ANO3: variants seen among roughly 807,000 people sequenced by gnomAD.
ANO3 encodes anoctamin-3.
ANO3 carries 99 observed loss-of-function variants against 144.8 expected under a neutral mutation model. That is an observed-to-expected ratio of 0.68 (90% CI 0.58 to 0.81). ANO3 has a LOEUF of 0.81. Among genes scored for constraint, ANO3 ranks in the 30% least tolerant of loss-of-function variants. ANO3 has a pLI of 0.00. For missense variants in ANO3, 905 were observed against 1,202.2 expected, an observed-to-expected ratio of 0.75 and a Z score of 3.66; for synonymous variants, 414 against 392.6, an observed-to-expected ratio of 1.05 and a Z score of -0.64.
chr11:26,330,115 C>A (rs1854999255), upstream of ANO3, among the ~76,000 whole-genome samples: 1 of 152,142 alleles, frequency 6.6e-6, no homozygotes, highest in Non-Finnish European at 1.5e-5. Flanking sequence ...GGGGTCATAA[C>A]TGACTAGTAA....
chr11:26,384,689 T>C (rs1007728039), intron 1 of ANO3, among the ~76,000 whole-genome samples: 11 of 152,202 alleles, frequency 7.2e-5, no homozygotes, highest in Admixed American at 1.3e-4. Context: ...AATGATATTG[T>C]AGGCCAAGCC....
At chr11:26,222,403 C>T (rs1472024460) in intron 1 of ANO3, among the ~76,000 whole-genome samples, 5 of 152,294 alleles carry the variant, frequency 3.3e-5, no homozygotes, top group South Asian at 4.1e-4. Context: ...TGCGTGCCTG[C>T]AGCTTTTCCA....
chr11:26,543,891 C>T (rs1849709208), intron 11 of ANO3, among the ~76,000 whole-genome samples: 1 of 151,998 alleles, frequency 6.6e-6, no homozygotes, highest in Non-Finnish European at 1.5e-5. Context: ...CAAGTCTTTG[C>T]TATTGTGAAT....
intron 26 of ANO3, among the ~76,000 whole-genome samples, chr11:26,658,108 AC>A (rs75520199): frequency 0.52 from 77,730 of 149,778 alleles, 20,922 homozygotes; most frequent in South Asian, 0.71. Context: ...TTCAGGACTT[AC>A]ACTTGTCTTT....
intron 6 of ANO3, among the ~76,000 whole-genome samples, chr11:26,525,126 C>G (rs1031869582): frequency 1.3e-5 from 2 of 152,092 alleles, no homozygotes; most frequent in African/African-American, 4.8e-5. Context: ...TGACTTCTCA[C>G]CTCAACTATC....
intron 1 of ANO3, among the ~76,000 whole-genome samples, chr11:26,286,711 C>A (rs1248926390): frequency 2.0e-5 from 3 of 152,082 alleles, no homozygotes; most frequent in Non-Finnish European, 4.4e-5. Context: ...ATTGGCAATG[C>A]GGGTGGGCTT....
At chr11:26,211,596 C>G (rs1008131550) in intron 1 of ANO3, among the ~76,000 whole-genome samples, 1 of 152,102 alleles carries the variant, frequency 6.6e-6, no homozygotes, top group Non-Finnish European at 1.5e-5. Flanking sequence ...AATAGGAATG[C>G]TTTTACAATG....
chr11:26,531,276 T>C lies in ANO3; in HGVS notation c.809T>C (p.Phe270Ser). 1 of 1,614,096 alleles carries C rather than the reference T, an allele frequency of 6.2e-7. No individual in the cohort carries two copies. Among genetic ancestry groups the C allele is most frequent in the Non-Finnish European group, 8.5e-7 (1 of 1,179,992 alleles). ...CCAATGGTTCTTGACAAGTCAGCTT[T>C]TCCAGACCTAGAGGAGTCAGACTGC... ...QNPMVLDKSAFPDLEESDCYT... is the reference protein window; with the variant it reads ...QNPMVLDKSASPDLEESDCYT... Residue 270 changes from phenylalanine to serine, a missense_variant, in exon 8 of 27, where the codon TTT (phenylalanine) becomes TCT (serine). Physicochemically the swap from Phe to Ser is radical, Grantham distance 155. Around this residue, in one of 4 missense-constraint regions of ANO3, gnomAD observed 71 missense variants for 57.9 expected, o/e 1.23. Transcript: ENST00000256737.
At chr11:26,243,377 T>C (rs1403025162) in intron 1 of ANO3, among the ~76,000 whole-genome samples, 3 of 152,062 alleles carry the variant, frequency 2.0e-5, no homozygotes, top group Non-Finnish European at 4.4e-5. Context: ...TATATGTTCT[T>C]TGCAAGAATA....
At chr11:26,233,534 T>TG (rs1386703158) in intron 1 of ANO3, among the ~76,000 whole-genome samples, 1 of 152,194 alleles carries the variant, frequency 6.6e-6, no homozygotes, top group Non-Finnish European at 1.5e-5. Flanking sequence ...GACAGTGTGG[T>TG]GGTTCCTCAA....
At chr11:26,426,935 A>G (rs1857937435) in intron 1 of ANO3, 1 of 152,268 alleles carries the variant, frequency 6.6e-6, no homozygotes, top group Non-Finnish European at 1.5e-5. Flanking sequence ...TTTAAATCAA[A>G]TCTTCTAACA....
At chr11:26,439,492 TATG>T (rs1220119115) in intron 1 of ANO3, among the ~76,000 whole-genome samples, 2 of 152,146 alleles carry the variant, frequency 1.3e-5, no homozygotes, top group African/African-American at 4.8e-5. Context: ...TGCGAATAGG[TATG>T]ATGTTTCTTT....
At chr11:26,518,818 T>C (rs993343586) in intron 6 of ANO3, among the ~76,000 whole-genome samples, 1 of 151,988 alleles carries the variant, frequency 6.6e-6, no homozygotes. Context: ...GATTTCATCA[T>C]GTAAAATATA....
At chr11:26,299,323 G>T (rs947745098) in intron 1 of ANO3, among the ~76,000 whole-genome samples, 1 of 152,164 alleles carries the variant, frequency 6.6e-6, no homozygotes, top group African/African-American at 2.4e-5. Context: ...TGAAGGTTAA[G>T]AATTCACTTT....
At chr11:26,559,459 AATC>A in intron 13 of ANO3, 1 of 338,404 alleles carries the variant, frequency 3.0e-6, no homozygotes, top group Non-Finnish European at 5.4e-6. Flanking sequence ...AATTATTTAT[AATC>A]AGAAATGATG....
chr11:26,457,622 G>A lies in ANO3; in HGVS notation c.314-5408G>A, dbSNP rs115681779. On this transcript the variant is annotated intron_variant, in intron 3 of 26. Coordinates refer to ENST00000256737, the MANE Select transcript of ANO3 (RefSeq NM_031418.4). ...GGAATATTTTATTCTAAAGTCTAAC[G>A]TTAAAAAACTGTAACGGACTCACTG... is the stretch of plus-strand genomic sequence containing the variant. Among the ~76,000 whole-genome samples, 1,440 of 152,140 alleles carry A rather than the reference G, an allele frequency of 9.5e-3. 11 individuals are homozygous for A. Among genetic ancestry groups the A allele is most frequent in the African/African-American group, 0.032 (1,339 of 41,520 alleles).
intron 1 of ANO3, among the ~76,000 whole-genome samples, chr11:26,359,876 AGTGT>A (rs142194688): frequency 7.4e-5 from 11 of 149,496 alleles, no homozygotes; most frequent in African/African-American, 1.5e-4. Context: ...ATGTCAGACT[AGTGT>A]GTGTGTGTGT....
At chr11:26,595,671 C>G (rs1482041142) in intron 14 of ANO3, among the ~76,000 whole-genome samples, 2 of 151,834 alleles carry the variant, frequency 1.3e-5, no homozygotes, top group Non-Finnish European at 2.9e-5. Context: ...GGAGTTCCTC[C>G]TAGGTCTGAT....
intron 1 of ANO3, among the ~76,000 whole-genome samples, chr11:26,251,894 A>T (rs989107306): frequency 2.6e-5 from 4 of 152,120 alleles, no homozygotes; most frequent in African/African-American, 4.8e-5. Context: ...CCTCACACCA[A>T]ATACCTTCCT....
Sources: allele counts gnomAD v4.1 joint callset (sites outside exome capture counted in the v4.1 genomes callset), GRCh38; gene constraint gnomAD v4.1.1; regional missense constraint gnomAD v4.1.1; transcripts MANE v1.5; gene names NCBI Gene and HGNC (gene_info 2026-07-23, HGNC 2026-07-21).